Variants in NRF1 observed in about 807,000 individuals in gnomAD.
NRF1 encodes the protein alpha palindromic-binding protein.
NRF1 carries 5 observed loss-of-function variants against 58.5 expected under a neutral mutation model. The ratio of observed to expected loss-of-function variants is 0.09; its 90% CI spans 0.04 to 0.18. NRF1 has a LOEUF of 0.18. Ranked by LOEUF, NRF1 falls within the 10% of genes least tolerant of loss-of-function variation. The pLI, the probability that NRF1 is intolerant of heterozygous loss-of-function variation, is 1.00. For synonymous variants in NRF1, 224 were observed against 246.7 expected (o/e 0.91, Z 0.86); for missense variants, 288 against 657.7 (o/e 0.44, Z 6.15).
intron 2 of NRF1, among the ~76,000 whole-genome samples, chr7:129,662,206 G>A (rs563428568): frequency 6.6e-6 from 1 of 152,078 alleles, no homozygotes; most frequent in South Asian, 2.1e-4. Flanking sequence ...TGGGGACACA[G>A]CCAAACCATA....
intron 6 of NRF1, among the ~76,000 whole-genome samples, chr7:129,709,729 C>CTTTTTT (rs71527924): frequency 7.8e-6 from 1 of 127,940 alleles, no homozygotes; most frequent in African/African-American, 2.8e-5. Context: ...TCTTTTCTTT[C>CTTTTTT]TTTTTTTTTT....
chr7:129,683,768 G>A (rs1217484315), intron 4 of NRF1, among the ~76,000 whole-genome samples: 1 of 150,368 alleles, frequency 6.7e-6, no homozygotes, highest in Non-Finnish European at 1.5e-5. Context: ...GAGTAGTTGG[G>A]ATTACAGGCT....
At chr7:129,656,498 A>T (rs1242513553) in intron 1 of NRF1, among the ~76,000 whole-genome samples, 4 of 152,080 alleles carry the variant, frequency 2.6e-5, no homozygotes, top group Non-Finnish European at 5.9e-5. Flanking sequence ...GCCAACTTTT[A>T]ACCTTACTGC....
At chr7:129,732,307 T>C (rs994564601) in intron 10 of NRF1, among the ~76,000 whole-genome samples, 2 of 152,224 alleles carry the variant, frequency 1.3e-5, no homozygotes, top group Non-Finnish European at 2.9e-5. Context: ...TACAGCTATC[T>C]TTCATTCCTG....
At chr7:129,675,261 A>G (rs1484506582) in intron 3 of NRF1, among the ~76,000 whole-genome samples, 1 of 152,208 alleles carries the variant, frequency 6.6e-6, no homozygotes, top group East Asian at 1.9e-4. Flanking sequence ...CTGCATCCGC[A>G]GTTACTTCCT....
intron 1 of NRF1, among the ~76,000 whole-genome samples, chr7:129,648,492 G>C (rs527500953): frequency 3.4e-4 from 52 of 152,060 alleles, no homozygotes; most frequent in African/African-American, 1.2e-3. Flanking sequence ...TGTTAGCCAG[G>C]ATGGTCTCTA....
At chr7:129,717,629 A>G (rs1264201957) in intron 9 of NRF1, among the ~76,000 whole-genome samples, 2 of 152,226 alleles carry the variant, frequency 1.3e-5, no homozygotes, top group Non-Finnish European at 2.9e-5. Context: ...GGTAGTTTCC[A>G]AAACTCAATG....
intron 2 of NRF1, among the ~76,000 whole-genome samples, chr7:129,669,672 A>G (rs1007084171): frequency 3.9e-5 from 6 of 152,240 alleles, no homozygotes; most frequent in Admixed American, 3.9e-4. Context: ...ATGCTCAACT[A>G]TTATCAAAAA....
At chr7:129,725,950 G>C (rs1193698055) in intron 9 of NRF1, among the ~76,000 whole-genome samples, 3 of 152,176 alleles carry the variant, frequency 2.0e-5, no homozygotes, top group African/African-American at 7.2e-5. Flanking sequence ...TGTGCTGACT[G>C]TCTTAGGTAA....
intron 1 of NRF1, among the ~76,000 whole-genome samples, chr7:129,629,759 A>ATCTCT (rs1801007160): frequency 6.6e-6 from 1 of 152,228 alleles, no homozygotes; most frequent in Non-Finnish European, 1.5e-5. Context: ...GCACATTCTT[A>ATCTCT]AATAAAATGG....
intron 8 of NRF1, among the ~76,000 whole-genome samples, chr7:129,713,502 A>C (rs1246565992): frequency 1.3e-5 from 2 of 152,258 alleles, no homozygotes; most frequent in East Asian, 1.9e-4. Flanking sequence ...TATGAATGTC[A>C]GTTTACCTTA....
chr7:129,735,733 G>T (rs562073318), intron 10 of NRF1, among the ~76,000 whole-genome samples: 11 of 152,052 alleles, frequency 7.2e-5, no homozygotes, highest in Non-Finnish European at 1.6e-4. Context: ...AGACCACCGG[G>T]CGCGGTGGCT....
intron 1 of NRF1, among the ~76,000 whole-genome samples, chr7:129,618,506 G>A (rs1229770385): frequency 6.6e-6 from 1 of 152,216 alleles, no homozygotes; most frequent in Non-Finnish European, 1.5e-5. Flanking sequence ...ACCAGTCTGG[G>A]CAACGTTGTG....
At chr7:129,665,978 T>C (rs116827981) in intron 2 of NRF1, among the ~76,000 whole-genome samples, 1,862 of 152,302 alleles carry the variant, frequency 0.012, 32 homozygotes, top group African/African-American at 0.042. Flanking sequence ...TGATAAAGGA[T>C]AGGTTAATAA....
intron 10 of NRF1, chr7:129,735,196 C>A (rs973399682): frequency 3.0e-6 from 3 of 985,444 alleles, no homozygotes; most frequent in Non-Finnish European, 3.6e-6. Context: ...AACCCTCCCT[C>A]CTCATGTTCT....
chr7:129,621,814 G>A (rs1016265018), intron 1 of NRF1, among the ~76,000 whole-genome samples: 9 of 135,048 alleles, frequency 6.7e-5, no homozygotes, highest in Non-Finnish European at 9.2e-5. Context: ...ATACTATCTC[G>A]CTCTGTCGCC....
At chr7:129,683,086 A>C (rs1312599588) in intron 4 of NRF1, among the ~76,000 whole-genome samples, 1 of 151,662 alleles carries the variant, frequency 6.6e-6, no homozygotes, top group Non-Finnish European at 1.5e-5. Context: ...TATTTTTAGT[A>C]CAGACAGGGT....
At chr7:129,728,708 G>C (rs935387497) in intron 10 of NRF1, among the ~76,000 whole-genome samples, 1 of 152,140 alleles carries the variant, frequency 6.6e-6, no homozygotes, top group African/African-American at 2.4e-5. Flanking sequence ...CCTCTGTCCC[G>C]CCAGAGAAGA....
At chr7:129,687,265 T>C (rs1303116240) in intron 4 of NRF1, among the ~76,000 whole-genome samples, 2 of 151,172 alleles carry the variant, frequency 1.3e-5, no homozygotes, top group African/African-American at 4.8e-5. Context: ...GCAACAGGTT[T>C]GATGCAAGTC....
Sources: allele counts gnomAD v4.1 joint callset (sites outside exome capture counted in the v4.1 genomes callset), GRCh38; gene constraint gnomAD v4.1.1; transcripts MANE v1.5; gene names NCBI Gene and HGNC (gene_info 2026-07-23, HGNC 2026-07-21).